FANCA: variants seen among roughly 807,000 people sequenced by gnomAD.
FANCA encodes the protein FA complementation group A, also known as Fanconi anemia group A protein.
In FANCA, 236 loss-of-function variants were observed where a neutral mutation model predicts 194.3. The ratio of observed to expected loss-of-function variants is 1.21; its 90% CI spans 1.09 to 1.35. The LOEUF is 1.35. Ranked by LOEUF, FANCA falls within the 40% of genes most tolerant of loss-of-function variation. The pLI is 0.00. For synonymous variants in FANCA, 1,014 were observed against 715.8 expected, an observed-to-expected ratio of 1.42 and a Z score of -6.65; for missense variants, 2,628 against 1,813.9, an observed-to-expected ratio of 1.45 and a Z score of -8.15.
chr16:89,737,735 C>G lies in FANCA; in HGVS notation c.*866G>C. Reference sequence around the variant, plus strand: ...TGTCTTCCCAGCTGTGATGGTTTCACATTGTCATCGTCGTCCCCCCGGGAG... The same window carrying G: ...TGTCTTCCCAGCTGTGATGGTTTCAGATTGTCATCGTCGTCCCCCCGGGAG... On this transcript the variant is annotated 3_prime_UTR_variant, in exon 43 of 43. Transcript: ENST00000389301. 1.2e-6 allele frequency: 2 copies of G among 1,604,176 alleles called. No homozygotes were observed. Among genetic ancestry groups the G allele is most frequent in the Non-Finnish European group, 1.7e-6 (2 of 1,172,774 alleles).
Position 89,742,809 on chromosome 16 carries a change from C to G in FANCA, c.3756G>C (p.Glu1252Asp). Reference protein sequence around the residue: ...IRKQLKKLDCEREELLVFLFF... With the variant: ...IRKQLKKLDCDREELLVFLFF... ...GAATTTCCTATCTTGCCTCCTCTCT[C>G]TCGCAGTCCAGCTTCTTTAGCTGCT... Residue 1252 changes from glutamate (E) to aspartate (D), a missense_variant, in exon 37 of 43, where the codon GAG becomes GAC. Glu to Asp is a conservative substitution (Grantham distance 45, BLOSUM62 2). Coordinates refer to ENST00000389301, the MANE Select transcript of FANCA (RefSeq NM_000135.4). The G allele has an allele frequency of 6.2e-7, 1 of 1,614,182 alleles. No individual in the cohort carries two copies. The highest frequency in any genetic ancestry group is 8.5e-7 in the Non-Finnish European group (1 of 1,180,024).
chr16:89,779,890 G>A lies in FANCA; in HGVS notation c.1694C>T (p.Pro565Leu). The A allele has an allele frequency of 6.2e-7, 1 of 1,613,936 alleles. No homozygotes were observed. Among genetic ancestry groups the A allele is most frequent in the Non-Finnish European group, 8.5e-7 (1 of 1,180,026 alleles). Reference protein sequence around the residue: ...IMVFEHTGNIPVTVMEASIFR... With the variant: ...IMVFEHTGNILVTVMEASIFR... ...CTACCTGGCCTCCATGACGGTGACT[G>A]GGATGTTCCCCGTATGCTCAAACAC... Residue 565 changes from proline (P) to leucine (L), a missense_variant, in exon 18 of 43, where the codon CCA becomes CTA. By Grantham distance (98) the Pro-to-Leu change is moderately conservative. Transcript: ENST00000389301.
At chr16:89,775,712 C>T (rs1406756555) in intron 21 of FANCA, 30 bp downstream of exon 21, 1 of 1,584,078 alleles carries the variant, frequency 6.3e-7, no homozygotes, top group Non-Finnish European at 8.6e-7. Context: ...AGCACAAGTC[C>T]CAGAGTGGAC....
intron 24 of FANCA, 80 bp downstream of exon 24, chr16:89,770,484 T>A: frequency 2.2e-6 from 3 of 1,337,340 alleles, no homozygotes; most frequent in Non-Finnish European, 3.2e-6. Flanking sequence ...AGCTCATGAG[T>A]CCCTGGTCTG....
intron 18 of FANCA, among the ~76,000 whole-genome samples, chr16:89,779,614 G>A (rs958999817): frequency 2.6e-5 from 4 of 152,106 alleles, no homozygotes; most frequent in African/African-American, 7.2e-5. Context: ...ACCTCACCCC[G>A]TATCCCTTAA....
At position 89,775,757 on chromosome 16, in the gene FANCA, C is replaced by A. The variant is rs201894526; in HGVS notation, c.1885G>T (p.Glu629Ter). Reference sequence around the variant, plus strand: ...AGGAACTTACCTTCTGGCTTCTCTTCAGCAGCAGAGCAGGCCTGGCAGTAG... The same window carrying A: ...AGGAACTTACCTTCTGGCTTCTCTTAAGCAGCAGAGCAGGCCTGGCAGTAG... ...STYCQACSAA[E>*]EKPEDAALGV... The change falls in exon 21 of 43, where the codon GAA becomes TAA. Residue 629 changes from glutamate to a stop codon, truncating the protein, a stop_gained. Coordinates refer to ENST00000389301, the MANE Select transcript of FANCA (RefSeq NM_000135.4). LOFTEE classifies it high-confidence loss of function. The A allele has an allele frequency of 1.2e-6, 2 of 1,612,398 alleles. No individual in the cohort carries two copies. The highest frequency in any genetic ancestry group is 2.2e-5 in the East Asian group (1 of 44,866).
intron 12 of FANCA, among the ~76,000 whole-genome samples, 182 bp from the exon 13 acceptor site, chr16:89,792,250 T>C (rs2040101711): frequency 6.6e-6 from 1 of 152,144 alleles, no homozygotes; most frequent in Non-Finnish European, 1.5e-5. Context: ...CAGCACCTGC[T>C]TGGAGAGAAT....
At chr16:89,740,166 G>A in intron 38 of FANCA, 67 bp from the exon 39 acceptor site, 1 of 1,244,612 alleles carries the variant, frequency 8.0e-7, no homozygotes, top group South Asian at 1.2e-5. Context: ...GGAGGGTACA[G>A]CCCTCAGCAC....
chr16:89,806,972 C>T (rs895452284), intron 6 of FANCA, among the ~76,000 whole-genome samples: 20 of 152,032 alleles, frequency 1.3e-4, no homozygotes, highest in African/African-American at 4.8e-4. Context: ...GCTGGCCGGG[C>T]GGGGGGCTGA....
intron 26 of FANCA, among the ~76,000 whole-genome samples, chr16:89,768,920 T>C (rs78336239): frequency 4.9e-5 from 3 of 61,738 alleles, no homozygotes; most frequent in African/African-American, 8.3e-5. Flanking sequence ...CACCCAGTAC[T>C]CAGTGTTTGG....
chr16:89,803,435 G>T, intron 7 of FANCA, 94 bp from the exon 8 acceptor site: 1 of 1,186,456 alleles, frequency 8.4e-7, no homozygotes, highest in Non-Finnish European at 1.3e-6. Flanking sequence ...GGGCGGGTGA[G>T]CATATGGCTT....
At chr16:89,748,097 A>C (rs894127396) in intron 33 of FANCA, among the ~76,000 whole-genome samples, 3 of 152,110 alleles carry the variant, frequency 2.0e-5, no homozygotes, top group African/African-American at 7.2e-5. Flanking sequence ...TTTTTTGTAG[A>C]AACAGGGTTT....
chr16:89,803,418 T>C, intron 7 of FANCA, 77 bp from the exon 8 acceptor site: 1 of 1,330,476 alleles, frequency 7.5e-7, no homozygotes, highest in Non-Finnish European at 1.1e-6. Flanking sequence ...GACCATCCAC[T>C]TCAGAGGGGC....
intron 11 of FANCA, among the ~76,000 whole-genome samples, chr16:89,795,392 T>C (rs1024123550): frequency 2.0e-5 from 3 of 151,796 alleles, no homozygotes; most frequent in Admixed American, 6.6e-5. Context: ...ACTTCGACAC[T>C]CTGGGAAGCC....
intron 26 of FANCA, among the ~76,000 whole-genome samples, chr16:89,768,437 C>G (rs1362138493): frequency 1.3e-5 from 2 of 152,126 alleles, no homozygotes; most frequent in African/African-American, 4.8e-5. Flanking sequence ...GGGCAGATCA[C>G]TTGAGGTCAG....
At chr16:89,803,624 CTTT>C (rs34752953) in intron 7 of FANCA, among the ~76,000 whole-genome samples, 10 of 139,088 alleles carry the variant, frequency 7.2e-5, no homozygotes, top group East Asian at 2.1e-4. Context: ...AGATTTTTTT[CTTT>C]TTTTTTTTTT....
At chr16:89,815,752 C>T (rs2041087628) in intron 2 of FANCA, 125 bp downstream of exon 2, 5 of 799,180 alleles carry the variant, frequency 6.3e-6, no homozygotes, top group Non-Finnish European at 1.1e-5. Context: ...AGGCGACCCT[C>T]CCCTCTGCGG....
intron 8 of FANCA, among the ~76,000 whole-genome samples, chr16:89,801,296 A>T (rs1448771493): frequency 2.0e-5 from 3 of 147,598 alleles, no homozygotes; most frequent in African/African-American, 2.5e-5. Context: ...GTGAGCCGAG[A>T]TCGCGCCACT....
intron 14 of FANCA, among the ~76,000 whole-genome samples, chr16:89,790,525 T>TA (rs1475473416): frequency 6.6e-6 from 1 of 152,054 alleles, no homozygotes; most frequent in Non-Finnish European, 1.5e-5. Context: ...GGTCAGGAGT[T>TA]AGAGACCAGC....
Sources: gnomAD v4.1 joint callset for allele counts (sites outside exome capture counted in the v4.1 genomes callset) on GRCh38, gnomAD v4.1.1 for gene constraint, MANE v1.5 for transcripts, NCBI Gene and HGNC (gene_info 2026-07-23, HGNC 2026-07-21) for gene names.